Variants in SFI1 observed in about 807,000 individuals in gnomAD.
SFI1 encodes the protein SFI1 centrin binding protein.
SFI1 carries 195 observed loss-of-function variants against 207.5 expected under a neutral mutation model. That is an observed-to-expected ratio of 0.94 (90% CI 0.84 to 1.06). The LOEUF is 1.06. Ranked by LOEUF, SFI1 falls within the 50% of genes least tolerant of loss-of-function variation. The probability of loss-of-function intolerance (pLI) is 0.00; values close to 1 mark genes in which losing one functional copy is unlikely to be tolerated. For synonymous variants in SFI1, 630 were observed against 598.9 expected (o/e 1.05, Z -0.76); for missense variants, 1,634 against 1,588.0 (o/e 1.03, Z -0.49).
chr22:31,534,978 ATTC>A (rs1035430072), intron 4 of SFI1, among the ~76,000 whole-genome samples: 45 of 150,716 alleles, frequency 3.0e-4, no homozygotes, highest in African/African-American at 8.0e-4. Flanking sequence ...AGTTCAAGCA[ATTC>A]TTCTACCTCA....
intron 21 of SFI1, among the ~76,000 whole-genome samples, chr22:31,607,202 G>A (rs181667721): frequency 9.3e-4 from 141 of 152,270 alleles, no homozygotes; most frequent in Non-Finnish European, 1.6e-3. Flanking sequence ...ATGACAGCTC[G>A]CAGAGCAGGC....
intron 4 of SFI1, among the ~76,000 whole-genome samples, chr22:31,545,930 TC>T (rs1351317920): frequency 1.3e-5 from 2 of 148,942 alleles, no homozygotes; most frequent in Non-Finnish European, 3.0e-5. Flanking sequence ...TCTTACTCTT[TC>T]GCCCAGGCTG....
At chr22:31,590,982 T>TA (rs750952735) in intron 15 of SFI1, among the ~76,000 whole-genome samples, 11,222 of 124,534 alleles carry the variant, frequency 0.09, 498 homozygotes, top group Admixed American at 0.18. Context: ...TTTATTTATT[T>TA]TTTTATTGAT....
At chr22:31,535,021 C>G (rs370011458) in intron 4 of SFI1, among the ~76,000 whole-genome samples, 2 of 151,654 alleles carry the variant, frequency 1.3e-5, no homozygotes, top group East Asian at 3.9e-4. Context: ...CTACAGGCAC[C>G]ACACCCAGCT....
At chr22:31,519,135 A>G (rs1169236477) in intron 2 of SFI1, among the ~76,000 whole-genome samples, 1 of 152,206 alleles carries the variant, frequency 6.6e-6, no homozygotes, top group African/African-American at 2.4e-5. Context: ...AATATATGAA[A>G]TACAACTACA....
At chr22:31,543,331 C>T (rs1270485103) in intron 4 of SFI1, among the ~76,000 whole-genome samples, 5 of 152,164 alleles carry the variant, frequency 3.3e-5, no homozygotes, top group Non-Finnish European at 7.3e-5. Flanking sequence ...CTTTCTGAGG[C>T]ATCTGTCCCT....
At chr22:31,501,968 AGT>A (rs2053859995) in intron 1 of SFI1, among the ~76,000 whole-genome samples, 2 of 152,010 alleles carry the variant, frequency 1.3e-5, no homozygotes, top group South Asian at 2.1e-4. Flanking sequence ...TGTGTGTGTG[AGT>A]GTGCAATGCC....
At chr22:31,590,970 TA>T (rs1238472647) in intron 15 of SFI1, among the ~76,000 whole-genome samples, 38 of 147,508 alleles carry the variant, frequency 2.6e-4, no homozygotes, top group African/African-American at 9.4e-4. Context: ...TTTATTTATT[TA>T]TTTATTTATT....
At chr22:31,574,892 A>G (rs1227992555) in intron 9 of SFI1, among the ~76,000 whole-genome samples, 1 of 151,986 alleles carries the variant, frequency 6.6e-6, no homozygotes, top group Admixed American at 6.6e-5. Context: ...CCCCATCTCT[A>G]TTAAAAATGC....
intron 8 of SFI1, among the ~76,000 whole-genome samples, chr22:31,564,035 A>G (rs1276618902): frequency 6.6e-6 from 1 of 151,944 alleles, no homozygotes; most frequent in African/African-American, 2.4e-5. Flanking sequence ...TTAGAAAAAT[A>G]TTAGCAGATA....
At chr22:31,546,828 T>A (rs779549354) in intron 4 of SFI1, 33 bp from the exon 5 acceptor site, 10 of 1,405,050 alleles carry the variant, frequency 7.1e-6, no homozygotes, top group Non-Finnish European at 9.9e-6. Flanking sequence ...TCCAACATCA[T>A]CATATATATA....
At chr22:31,498,343 G>C (rs2146267779) in intron 1 of SFI1, among the ~76,000 whole-genome samples, 1 of 151,968 alleles carries the variant, frequency 6.6e-6, no homozygotes, top group East Asian at 1.9e-4. Flanking sequence ...GCCATAGGTA[G>C]TGATTCCTCT....
chr22:31,505,933 C>T (rs1376492935), intron 1 of SFI1, among the ~76,000 whole-genome samples: 1 of 151,288 alleles, frequency 6.6e-6, no homozygotes, highest in African/African-American at 2.4e-5. Context: ...TGCCTGTAAT[C>T]GTAACACTTT....
In SFI1 at chr22:31,548,480, C is replaced by CA. The variant is rs879606766; in HGVS notation, c.449+1522dup. ...GAGAAACCCCATCTCAACTAAAATACAAAAAAAAAAAAATTAGCCGGGCAT... is the reference window on the plus strand; with the variant it reads ...GAGAAACCCCATCTCAACTAAAATACAAAAAAAAAAAAAATTAGCCGGGCAT... On this transcript the variant is annotated intron_variant, in intron 5 of 32. Coordinates refer to ENST00000400288, the MANE Select transcript of SFI1 (RefSeq NM_001007467.3). Among the ~76,000 whole-genome samples, 235 of 134,402 alleles carry CA rather than the reference C, an allele frequency of 1.7e-3. 1 individual carries two copies. The East Asian group carries it at 0.018, about 10-fold the overall frequency. The allele number at this position is 134,402 out of a possible 152,430, so 88.2% of individuals were successfully genotyped here. A position where few individuals can be genotyped will look rare whatever the true frequency, so the allele number is the denominator to read the frequency against.
chr22:31,501,312 C>T (rs2053731710), intron 1 of SFI1, among the ~76,000 whole-genome samples: 1 of 151,840 alleles, frequency 6.6e-6, no homozygotes, highest in Admixed American at 6.6e-5. Context: ...GCTGGGACTA[C>T]AGGCGCCCGC....
intron 8 of SFI1, among the ~76,000 whole-genome samples, chr22:31,564,453 C>T (rs1039676464): frequency 2.0e-5 from 3 of 151,554 alleles, no homozygotes; most frequent in African/African-American, 7.3e-5. Context: ...ACTCAACACC[C>T]TCACCCAGAT....
intron 22 of SFI1, among the ~76,000 whole-genome samples, chr22:31,610,768 G>T (rs2069952757): frequency 1.3e-5 from 2 of 152,206 alleles, no homozygotes; most frequent in Non-Finnish European, 2.9e-5. Flanking sequence ...TGCAGCTGAA[G>T]TGGGGGCTCC....
At chr22:31,600,878 C>T (rs941983992) in intron 15 of SFI1, among the ~76,000 whole-genome samples, 2 of 152,244 alleles carry the variant, frequency 1.3e-5, no homozygotes, top group East Asian at 3.8e-4. Context: ...GATCCAGGAC[C>T]AGTGACTGTG....
chr22:31,541,388 G>A (rs2059473557), intron 4 of SFI1, among the ~76,000 whole-genome samples: 2 of 151,966 alleles, frequency 1.3e-5, no homozygotes, highest in South Asian at 2.1e-4. Context: ...TATTTAATGC[G>A]GCGTGGGGAA....
Sources: allele counts gnomAD v4.1 joint callset (sites outside exome capture counted in the v4.1 genomes callset), GRCh38; gene constraint gnomAD v4.1.1; transcripts MANE v1.5; gene names NCBI Gene and HGNC (gene_info 2026-07-23, HGNC 2026-07-21).